Variants in PCDH7 observed in about 807,000 individuals in gnomAD.
The protein encoded by PCDH7 is protocadherin-7.
Under a neutral mutation model 58.9 loss-of-function variants are expected in PCDH7, and 17 were observed. The ratio of observed to expected loss-of-function variants is 0.29; its 90% CI spans 0.20 to 0.43. The LOEUF (loss-of-function observed/expected upper bound fraction) is 0.43. PCDH7 is among the 20% of genes least tolerant of loss of function. The pLI, the probability that PCDH7 is intolerant of heterozygous loss-of-function variation, is 1.00. For missense variants in PCDH7, 1,274 were observed against 1,441.0 expected, an observed-to-expected ratio of 0.88 and a Z score of 1.88; for synonymous variants, 664 against 616.4, an observed-to-expected ratio of 1.08 and a Z score of -1.14.
intron 3 of PCDH7, among the ~76,000 whole-genome samples, chr4:31,134,222 AAGG>A (rs1719318680): frequency 6.6e-6 from 1 of 151,990 alleles, no homozygotes; most frequent in African/African-American, 2.4e-5. Context: ...AGCACTTTGG[AAGG>A]CCGAGGTTGG....
intron 1 of PCDH7, among the ~76,000 whole-genome samples, chr4:30,811,396 TA>T (rs925154303): frequency 4.6e-5 from 7 of 152,016 alleles, no homozygotes; most frequent in East Asian, 3.9e-4. Context: ...CAATTACCTA[TA>T]AAAAAAAGGA....
At chr4:30,930,765 C>T (rs1286690600) in intron 2 of PCDH7, among the ~76,000 whole-genome samples, 1 of 149,130 alleles carries the variant, frequency 6.7e-6, no homozygotes, top group African/African-American at 2.5e-5. Context: ...GACCCTGTCT[C>T]TGCAAAAAAA....
At chr4:31,033,977 CCAG>C (rs1560591087) in intron 3 of PCDH7, among the ~76,000 whole-genome samples, 1 of 152,022 alleles carries the variant, frequency 6.6e-6, no homozygotes, top group Non-Finnish European at 1.5e-5. Context: ...CCCTGTAATC[CCAG>C]CTATTCAGGA....
At chr4:30,875,732 T>G (rs751528245) in intron 1 of PCDH7, among the ~76,000 whole-genome samples, 28 of 152,114 alleles carry the variant, frequency 1.8e-4, no homozygotes, top group Non-Finnish European at 3.7e-4. Context: ...TTTGCTTTGT[T>G]GGGTCTTAGC....
At chr4:31,040,518 A>G (rs1021855180) in intron 3 of PCDH7, among the ~76,000 whole-genome samples, 8 of 152,226 alleles carry the variant, frequency 5.3e-5, no homozygotes, top group Admixed American at 5.2e-4. Flanking sequence ...TCAAACTAAT[A>G]TGTTGTATCA....
At chr4:30,941,529 A>G (rs1174248579) in intron 2 of PCDH7, among the ~76,000 whole-genome samples, 1 of 151,996 alleles carries the variant, frequency 6.6e-6, no homozygotes, top group Non-Finnish European at 1.5e-5. Context: ...CAAAGTTAGA[A>G]TACAGTAGTT....
At chr4:30,823,267 T>G (rs1207344283) in intron 1 of PCDH7, among the ~76,000 whole-genome samples, 1 of 152,072 alleles carries the variant, frequency 6.6e-6, no homozygotes, top group Non-Finnish European at 1.5e-5. Context: ...TTCTTATCTC[T>G]TTCACTCCGA....
intron 3 of PCDH7, among the ~76,000 whole-genome samples, chr4:31,110,105 A>G (rs981107153): frequency 2.7e-4 from 41 of 152,290 alleles, no homozygotes; most frequent in African/African-American, 9.4e-4. Context: ...TGAATTGTTT[A>G]TTTCACTTAA....
At chr4:31,059,550 T>C (rs968998535) in intron 3 of PCDH7, among the ~76,000 whole-genome samples, 5 of 151,650 alleles carry the variant, frequency 3.3e-5, no homozygotes, top group Non-Finnish European at 5.9e-5. Context: ...GTTGTTTTAT[T>C]TGCCCTCAAA....
intron 1 of PCDH7, among the ~76,000 whole-genome samples, chr4:30,806,681 T>A (rs1045917042): frequency 6.6e-6 from 1 of 151,534 alleles, no homozygotes; most frequent in Non-Finnish European, 1.5e-5. Context: ...GATCTTCATA[T>A]CTGCCTCCTT....
intron 1 of PCDH7, among the ~76,000 whole-genome samples, chr4:30,758,722 G>T (rs1012631171): frequency 2.0e-5 from 3 of 152,136 alleles, no homozygotes; most frequent in African/African-American, 4.8e-5. Context: ...ATTGCACTAA[G>T]TATTGCACTA....
chr4:31,139,712 T>G (rs1720022843), intron 3 of PCDH7, among the ~76,000 whole-genome samples: 1 of 152,340 alleles, frequency 6.6e-6, no homozygotes, highest in Non-Finnish European at 1.5e-5. Context: ...TGTTAATCAT[T>G]GGTATTTCTT....
chr4:30,826,235 A>T (rs2109326174), intron 1 of PCDH7, among the ~76,000 whole-genome samples: 1 of 152,264 alleles, frequency 6.6e-6, no homozygotes, highest in East Asian at 1.9e-4. Flanking sequence ...TATTCATTAC[A>T]AATTTCGTGA....
chr4:30,929,449 T>C (rs577474629), intron 2 of PCDH7, among the ~76,000 whole-genome samples: 12 of 152,208 alleles, frequency 7.9e-5, no homozygotes, highest in Non-Finnish European at 1.3e-4. Flanking sequence ...CTTCTCATTA[T>C]TGTCCAGAAA....
chr4:31,109,017 C>T (rs1350557966), intron 3 of PCDH7, among the ~76,000 whole-genome samples: 1 of 152,140 alleles, frequency 6.6e-6, no homozygotes, highest in Non-Finnish European at 1.5e-5. Flanking sequence ...TCCATTTGTC[C>T]TTTCCTGGGA....
exon 1 of PCDH7, chr4:30,724,349 G>T: frequency 6.2e-7 from 1 of 1,614,110 alleles, no homozygotes; most frequent in Non-Finnish European, 8.5e-7. Flanking sequence ...GACAGCCCAA[G>T]CATGGGGCGA....
intron 3 of PCDH7, among the ~76,000 whole-genome samples, chr4:30,991,274 G>A (rs886285607): frequency 8.5e-5 from 13 of 152,112 alleles, no homozygotes; most frequent in South Asian, 4.1e-4. Flanking sequence ...GTCAGTTTTC[G>A]TTTTGCCAGC....
chr4:30,809,586 A>G (rs774749927), intron 1 of PCDH7, among the ~76,000 whole-genome samples: 1 of 152,212 alleles, frequency 6.6e-6, no homozygotes, highest in Non-Finnish European at 1.5e-5. Context: ...CTGAAATAGG[A>G]CAACAATGAT....
At chr4:31,139,875 T>G (rs1333401547) in intron 3 of PCDH7, among the ~76,000 whole-genome samples, 2 of 152,218 alleles carry the variant, frequency 1.3e-5, no homozygotes, top group Non-Finnish European at 2.9e-5. Flanking sequence ...TGGTCCCCAA[T>G]CAAGTGTTTT....
Sources: allele counts gnomAD v4.1 joint callset (sites outside exome capture counted in the v4.1 genomes callset), GRCh38; gene constraint gnomAD v4.1.1; transcripts MANE v1.5; gene names NCBI Gene and HGNC (gene_info 2026-07-23, HGNC 2026-07-21).